The following TIPARP variants were observed in gnomAD, a reference collection of about 807,000 sequenced individuals.
TIPARP encodes the protein protein mono-ADP-ribosyltransferase TIPARP.
Under a neutral mutation model 56.5 loss-of-function variants are expected in TIPARP, and 12 were observed. The observed-to-expected ratio is 0.21, with a 90% CI of 0.14 to 0.34. The LOEUF is 0.34. Among genes scored for constraint, TIPARP ranks in the 10% least tolerant of loss-of-function variants. The probability of loss-of-function intolerance (pLI) is 1.00; values close to 1 mark genes in which losing one functional copy is unlikely to be tolerated. For missense variants in TIPARP, 604 were observed against 781.6 expected, an observed-to-expected ratio of 0.77 and a Z score of 2.71; for synonymous variants, 296 against 265.7, an observed-to-expected ratio of 1.11 and a Z score of -1.11.
At chr3:156,689,613 C>G (rs893926155) in intron 2 of TIPARP, among the ~76,000 whole-genome samples, 1 of 152,190 alleles carries the variant, frequency 6.6e-6, no homozygotes. Flanking sequence ...GAATCAAGAC[C>G]TAACTTCTTA....
Position 156,695,808 on chromosome 3 carries a change from C to T in TIPARP, c.1087-57C>T, listed in dbSNP as rs552067661. On this transcript the variant is annotated intron_variant, in intron 3 of 5. Coordinates refer to ENST00000295924, the MANE Select transcript of TIPARP (RefSeq NM_015508.5). The stretch of plus-strand genomic sequence containing the variant: ...GCCTTTGGTTAATTTTCATTTTTAA[C>T]CATGATTATTAACTTTCCTTTTTTT... 4.4e-5 allele frequency: 66 copies of T among 1,487,112 alleles called. No homozygotes were observed. In the South Asian group the frequency reaches 7.8e-4, roughly 18 times the overall value. 92.1% of individuals were successfully genotyped at this position (1,487,112 alleles called of 1,614,324 possible). A position where few individuals can be genotyped will look rare whatever the true frequency, so the allele number is the denominator to read the frequency against.
chr3:156,682,331 GTT>G (rs1018644767), intron 2 of TIPARP, among the ~76,000 whole-genome samples: 2 of 152,260 alleles, frequency 1.3e-5, no homozygotes, highest in Admixed American at 6.5e-5. Flanking sequence ...AGAGGACAGG[GTT>G]TTTTTCTTTT....
In TIPARP at chr3:156,705,328, T is replaced by C. The variant is rs567836268; in HGVS notation, c.*197T>C. The C allele has an allele frequency of 2.0e-6, 1 of 506,178 alleles. No individual in the cohort carries two copies. Among genetic ancestry groups the C allele is most frequent in the African/African-American group, 1.9e-5 (1 of 52,046 alleles). The allele number at this position is 506,178 out of a possible 1,614,324, so 31.4% of individuals were successfully genotyped here. The stretch of plus-strand genomic sequence containing the variant: ...AAAATGACCACTTACTCTTTAATTA[T>C]TTACTAATTGCTAGTGTACTCAGTG... On this transcript the variant is annotated 3_prime_UTR_variant, in exon 6 of 6. Transcript: ENST00000295924.
chr3:156,682,030 C>T (rs1294380621), intron 2 of TIPARP, among the ~76,000 whole-genome samples: 1 of 152,206 alleles, frequency 6.6e-6, no homozygotes, highest in Non-Finnish European at 1.5e-5. Flanking sequence ...GAGCCTTGCA[C>T]ACTGTGGAGT....
intron 2 of TIPARP, 58 bp downstream of exon 2, chr3:156,678,672 A>G: frequency 1.4e-6 from 2 of 1,480,576 alleles, no homozygotes; most frequent in Middle Eastern, 1.9e-4. Flanking sequence ...AAGGTAAAGA[A>G]GCTAAAAGCT....
chr3:156,677,887 C>T lies in TIPARP; in HGVS notation c.190C>T (p.Leu64=). ...TTTGAGGCCAATATTAAACACTCTTCTAGAATCTGGCTCACTTGATGGGGT... is the reference window on the plus strand; with the variant it reads ...TTTGAGGCCAATATTAAACACTCTTTTAGAATCTGGCTCACTTGATGGGGT... ...RSLRPILNTL[L]ESGSLDGVFR... is the part of the protein sequence containing the mutation. Residue 64 remains leucine (L), a synonymous_variant, in exon 2 of 6, where the codon CTA becomes TTA. Transcript: ENST00000295924. 6.2e-7 allele frequency: 1 copy of T among 1,614,128 alleles called. No homozygotes were observed. The highest frequency in any genetic ancestry group is 8.5e-7 in the Non-Finnish European group (1 of 1,180,022).
chr3:156,686,879 A>G (rs562065737), intron 2 of TIPARP, among the ~76,000 whole-genome samples: 1 of 152,242 alleles, frequency 6.6e-6, no homozygotes, highest in South Asian at 2.1e-4. Flanking sequence ...AAAAAATTAT[A>G]AAAACGTTTA....
chr3:156,675,478 T>G (rs867114413), intron 1 of TIPARP: 7 of 152,506 alleles, frequency 4.6e-5, no homozygotes, highest in African/African-American at 1.4e-4. Context: ...GGGTCGTTGG[T>G]CCGAAGGAGG....
At chr3:156,689,128 T>C (rs1722506395) in intron 2 of TIPARP, among the ~76,000 whole-genome samples, 1 of 152,178 alleles carries the variant, frequency 6.6e-6, no homozygotes, top group Non-Finnish European at 1.5e-5. Context: ...CAGAAAACTT[T>C]GTATTTAATC....
At chr3:156,682,350 A>C (rs903685357) in intron 2 of TIPARP, among the ~76,000 whole-genome samples, 1 of 152,176 alleles carries the variant, frequency 6.6e-6, no homozygotes, top group African/African-American at 2.4e-5. Context: ...TTTTGGGATT[A>C]ATGCTCACTG....
At chr3:156,702,082 T>C (rs1722862132) in intron 4 of TIPARP, among the ~76,000 whole-genome samples, 1 of 150,218 alleles carries the variant, frequency 6.7e-6, no homozygotes. Context: ...GTTGTGGTGG[T>C]GGTGGTGGTG....
intron 1 of TIPARP, among the ~76,000 whole-genome samples, chr3:156,677,052 A>G (rs1722148392): frequency 6.6e-6 from 1 of 152,198 alleles, no homozygotes; most frequent in South Asian, 2.1e-4. Context: ...TGGATAGTAT[A>G]TTAGAGCTTT....
At chr3:156,695,722 AT>A in intron 3 of TIPARP, 142 bp from the exon 4 acceptor site, 5 of 1,163,922 alleles carry the variant, frequency 4.3e-6, no homozygotes, top group Non-Finnish European at 5.7e-6. Context: ...AAATCTTAGC[AT>A]ATAAAGGGAG....
rs2108500386 is a variant in TIPARP at position 156,706,333 on chromosome 3, A to G, written c.*1202A>G. The G allele has an allele frequency of 6.5e-6, 1 of 152,802 alleles. No individual in the cohort carries two copies. Among genetic ancestry groups the G allele is most frequent in the East Asian group, 1.9e-4 (1 of 5,196 alleles). The allele number at this position is 152,802 out of a possible 1,614,324, so 9.5% of individuals were successfully genotyped here. ...ACAAAAGTGAAAGTAGTTGTTCACA[A>G]AAGAATTCGCCATGGAATTCTTTCA... On this transcript the variant is annotated 3_prime_UTR_variant, in exon 6 of 6. Coordinates refer to ENST00000295924, the MANE Select transcript of TIPARP (RefSeq NM_015508.5).
At chr3:156,700,282 CT>C (rs1014843738) in intron 4 of TIPARP, among the ~76,000 whole-genome samples, 3 of 150,402 alleles carry the variant, frequency 2.0e-5, no homozygotes, top group Non-Finnish European at 3.0e-5. Flanking sequence ...CTAATGTTTT[CT>C]TTTTTTTTCT....
chr3:156,696,392 A>G (rs1487551867), intron 4 of TIPARP, among the ~76,000 whole-genome samples: 1 of 152,154 alleles, frequency 6.6e-6, no homozygotes, highest in Non-Finnish European at 1.5e-5. Context: ...AACTTAGCCA[A>G]ACTGCCGGGG....
intron 2 of TIPARP, among the ~76,000 whole-genome samples, chr3:156,682,486 A>G (rs889914977): frequency 3.3e-5 from 5 of 152,224 alleles, no homozygotes; most frequent in African/African-American, 7.2e-5. Flanking sequence ...CCAAGGGACA[A>G]TACCATTAGA....
At chr3:156,691,410 G>T (rs375546196) in intron 2 of TIPARP, among the ~76,000 whole-genome samples, 1 of 152,072 alleles carries the variant, frequency 6.6e-6, no homozygotes, top group Non-Finnish European at 1.5e-5. Context: ...ATTTAGATAG[G>T]CAGATGTACT....
chr3:156,700,922 C>T (rs780210572), intron 4 of TIPARP, among the ~76,000 whole-genome samples: 3 of 152,186 alleles, frequency 2.0e-5, no homozygotes, highest in Non-Finnish European at 4.4e-5. Flanking sequence ...TGGTGTCCGT[C>T]TGTGAAACAT....
Sources: allele counts gnomAD v4.1 joint callset (sites outside exome capture counted in the v4.1 genomes callset), GRCh38; gene constraint gnomAD v4.1.1; transcripts MANE v1.5; gene names NCBI Gene and HGNC (gene_info 2026-07-23, HGNC 2026-07-21).